Variants in SPTLC3 observed in about 807,000 individuals in gnomAD.
The protein encoded by SPTLC3 is serine palmitoyltransferase long chain base subunit 3, also known as serine palmitoyltransferase 3.
Under a neutral mutation model 59.3 loss-of-function variants are expected in SPTLC3, and 36 were observed. That is an observed-to-expected ratio of 0.61 (90% CI 0.47 to 0.80). The LOEUF is 0.80. Among genes scored for constraint, SPTLC3 ranks in the 30% least tolerant of loss-of-function variants. The pLI, the probability that SPTLC3 is intolerant of heterozygous loss-of-function variation, is 0.00. For missense variants in SPTLC3, 625 were observed against 685.1 expected, an observed-to-expected ratio of 0.91 and a Z score of 0.98; for synonymous variants, 257 against 240.8, an observed-to-expected ratio of 1.07 and a Z score of -0.62.
intron 1 of SPTLC3, among the ~76,000 whole-genome samples, chr20:13,031,574 G>A (rs1986451006): frequency 6.6e-6 from 1 of 152,124 alleles, no homozygotes; most frequent in Non-Finnish European, 1.5e-5. Context: ...TAGACTTCTT[G>A]CTCTCTAGTC....
intron 7 of SPTLC3, among the ~76,000 whole-genome samples, 184 bp downstream of exon 7, chr20:13,110,401 C>G (rs1169592248): frequency 6.6e-6 from 1 of 152,128 alleles, no homozygotes; most frequent in African/African-American, 2.4e-5. Flanking sequence ...TTTGATGACT[C>G]TATATATGGC....
At chr20:13,127,182 T>G (rs1451548937) in intron 9 of SPTLC3, among the ~76,000 whole-genome samples, 4 of 152,222 alleles carry the variant, frequency 2.6e-5, no homozygotes, top group Non-Finnish European at 4.4e-5. Flanking sequence ...ACACACACAA[T>G]AAGCTTCCAG....
intron 1 of SPTLC3, among the ~76,000 whole-genome samples, chr20:13,039,033 G>A (rs1217029516): frequency 2.0e-5 from 3 of 152,008 alleles, no homozygotes; most frequent in Non-Finnish European, 4.4e-5. Flanking sequence ...TACATTTATT[G>A]AGGCTTATTT....
intron 1 of SPTLC3, among the ~76,000 whole-genome samples, chr20:13,039,493 T>C (rs985205853): frequency 3.9e-5 from 6 of 152,104 alleles, no homozygotes; most frequent in South Asian, 2.1e-4. Flanking sequence ...TTTTAACTTG[T>C]TTGCATCTCT....
At chr20:13,106,125 A>G (rs148254202) in intron 6 of SPTLC3, among the ~76,000 whole-genome samples, 1,653 of 152,342 alleles carry the variant, frequency 0.011, 15 homozygotes, top group Admixed American at 0.014. Context: ...AAAACAAAAG[A>G]TACCATCAAT....
At chr20:13,035,978 C>A (rs1986716388) in intron 1 of SPTLC3, among the ~76,000 whole-genome samples, 1 of 152,084 alleles carries the variant, frequency 6.6e-6, no homozygotes, top group African/African-American at 2.4e-5. Context: ...TTTTCATGAT[C>A]TTTGGTGCTA....
chr20:13,115,716 G>C (rs370879873), intron 7 of SPTLC3, among the ~76,000 whole-genome samples: 1 of 152,064 alleles, frequency 6.6e-6, no homozygotes. Context: ...GTTAGGACTC[G>C]TTGCAACCAT....
At chr20:13,071,615 G>A (rs1451253825) in intron 2 of SPTLC3, among the ~76,000 whole-genome samples, 1 of 152,048 alleles carries the variant, frequency 6.6e-6, no homozygotes, top group Non-Finnish European at 1.5e-5. Context: ...TTTTCTAAAC[G>A]GGAAGAGGGA....
chr20:13,079,104 A>G (rs1600258234), intron 4 of SPTLC3, among the ~76,000 whole-genome samples: 1 of 152,184 alleles, frequency 6.6e-6, no homozygotes, highest in Non-Finnish European at 1.5e-5. Context: ...CAAAACTTTT[A>G]TAAAAGACTT....
intron 1 of SPTLC3, among the ~76,000 whole-genome samples, chr20:13,038,186 A>C (rs1331982491): frequency 2.6e-5 from 4 of 152,056 alleles, no homozygotes; most frequent in African/African-American, 9.7e-5. Flanking sequence ...TTGATCACCA[A>C]GGTAATATAA....
At chr20:13,153,193 C>T (rs1345807635) in intron 9 of SPTLC3, among the ~76,000 whole-genome samples, 1 of 152,228 alleles carries the variant, frequency 6.6e-6, no homozygotes, top group East Asian at 1.9e-4. Context: ...TGTTTTGAAG[C>T]AGGACCCGAG....
rs1283920298 is a variant in SPTLC3 at position 13,117,684 on chromosome 20, A to C, written c.1111A>C (p.Lys371Gln). ...EVDVLMGTFT[K>Q]SFGASGGYIA... ...TGATGTGCTCATGGGCACATTCACC[A>C]AAAGTTTTGGAGCTTCAGGAGGTTA... The change falls in exon 8 of 12, where the codon AAA becomes CAA. Residue 371 changes from lysine to glutamine, a missense_variant. Coordinates refer to ENST00000399002, the MANE Select transcript of SPTLC3 (RefSeq NM_018327.4). 6.2e-7 allele frequency: 1 copy of C among 1,613,644 alleles called. No homozygotes were observed. Among genetic ancestry groups the C allele is most frequent in the Admixed American group, 1.7e-5 (1 of 59,972 alleles).
chr20:13,017,092 C>T (rs1568564486), intron 1 of SPTLC3, among the ~76,000 whole-genome samples: 1 of 152,172 alleles, frequency 6.6e-6, no homozygotes, highest in Non-Finnish European at 1.5e-5. Flanking sequence ...GGGATTCATA[C>T]CCACTTCCAG....
intron 6 of SPTLC3, 56 bp downstream of exon 6, chr20:13,093,633 A>C: frequency 6.6e-7 from 1 of 1,514,646 alleles, no homozygotes; most frequent in Non-Finnish European, 9.1e-7. Context: ...AAGAAAGTAA[A>C]GATTATTGAT....
At chr20:13,054,639 C>T (rs1357679708) in intron 2 of SPTLC3, among the ~76,000 whole-genome samples, 1 of 152,138 alleles carries the variant, frequency 6.6e-6, no homozygotes, top group African/African-American at 2.4e-5. Flanking sequence ...AAGGTGGTGT[C>T]ATTCACTGAG....
Position 13,166,394 on chromosome 20 carries a change from A to G in SPTLC3, c.*1527A>G, listed in dbSNP as rs2038984342. On this transcript the variant is annotated 3_prime_UTR_variant, in exon 12 of 12. Coordinates refer to ENST00000399002, the MANE Select transcript of SPTLC3 (RefSeq NM_018327.4). ...GGAAATTATAACTCCAAGTGGGTGC[A>G]TTGGTTTAAAAATGGATCACAATGA... 6.6e-6 allele frequency: 1 copy of G among 152,338 alleles called. No individual in the cohort carries two copies. Among genetic ancestry groups the G allele is most frequent in the Non-Finnish European group, 1.5e-5 (1 of 68,036 alleles). The allele number at this position is 152,338 out of a possible 1,614,324, so 9.4% of individuals were successfully genotyped here.
intron 6 of SPTLC3, among the ~76,000 whole-genome samples, chr20:13,106,450 ATTGACG>A (rs1989902627): frequency 6.6e-6 from 1 of 152,178 alleles, no homozygotes; most frequent in Non-Finnish European, 1.5e-5. Context: ...GTTCTGTATT[ATTGACG>A]AGAAGAGTTT....
chr20:13,153,509 C>G (rs572203391), intron 9 of SPTLC3, among the ~76,000 whole-genome samples: 118 of 152,182 alleles, frequency 7.8e-4, no homozygotes, highest in African/African-American at 2.8e-3. Context: ...TATGCTATCC[C>G]TACAAATTCA....
At chr20:13,123,764 C>T (rs1404141527) in intron 8 of SPTLC3, among the ~76,000 whole-genome samples, 1 of 152,208 alleles carries the variant, frequency 6.6e-6, no homozygotes, top group African/African-American at 2.4e-5. Context: ...CAAATCTCCC[C>T]ATCCCTCATG....
Sources: gnomAD v4.1 joint callset for allele counts (sites outside exome capture counted in the v4.1 genomes callset) on GRCh38, gnomAD v4.1.1 for gene constraint, MANE v1.5 for transcripts, NCBI Gene and HGNC (gene_info 2026-07-23, HGNC 2026-07-21) for gene names.